The following NPAS3 variants were observed in gnomAD, a reference collection of about 807,000 sequenced individuals.
NPAS3 encodes the protein neuronal PAS domain-containing protein 3.
In NPAS3, 14 loss-of-function variants were observed where a neutral mutation model predicts 73.1. The observed-to-expected ratio is 0.19, with a 90% CI of 0.13 to 0.30. The LOEUF is 0.30. NPAS3 is among the 10% of genes least tolerant of loss of function. The pLI is 1.00. For missense variants in NPAS3, 1,096 were observed against 1,250.0 expected (o/e 0.88, Z 1.86); for synonymous variants, 620 against 541.5 (o/e 1.14, Z -2.01).
chr14:33,295,163 A>T (rs946295145), intron 3 of NPAS3, among the ~76,000 whole-genome samples: 1 of 152,220 alleles, frequency 6.6e-6, no homozygotes, highest in African/African-American at 2.4e-5. Flanking sequence ...AATTTAAAAC[A>T]CCAAGGGATT....
intron 2 of NPAS3, among the ~76,000 whole-genome samples, chr14:33,085,940 T>C (rs1227402083): frequency 2.6e-5 from 4 of 152,186 alleles, no homozygotes; most frequent in Admixed American, 2.0e-4. Flanking sequence ...ATTCACCTCA[T>C]AGTGCACTCA....
At chr14:33,752,776 T>G (rs1192036180) in intron 7 of NPAS3, among the ~76,000 whole-genome samples, 1 of 152,162 alleles carries the variant, frequency 6.6e-6, no homozygotes, top group Non-Finnish European at 1.5e-5. Context: ...AGCAATCACA[T>G]GCATAATATG....
intron 2 of NPAS3, among the ~76,000 whole-genome samples, chr14:33,137,018 G>A (rs971180399): frequency 1.3e-5 from 2 of 152,098 alleles, no homozygotes; most frequent in Admixed American, 6.5e-5. Context: ...GGCTTTTTCT[G>A]TTCTGTTGAA....
chr14:33,463,617 A>G (rs920240332), intron 4 of NPAS3, among the ~76,000 whole-genome samples: 18 of 152,274 alleles, frequency 1.2e-4, no homozygotes, highest in African/African-American at 3.9e-4. Flanking sequence ...TGAACCTAAC[A>G]TTTCTGAAAC....
chr14:33,110,055 C>G (rs1190707657), intron 2 of NPAS3, among the ~76,000 whole-genome samples: 2 of 151,876 alleles, frequency 1.3e-5, no homozygotes, highest in Non-Finnish European at 2.9e-5. Flanking sequence ...CGAGAGCTCT[C>G]TGTAATAGTA....
chr14:33,538,067 C>T (rs189873019), intron 4 of NPAS3, among the ~76,000 whole-genome samples: 90 of 152,272 alleles, frequency 5.9e-4, no homozygotes, highest in Non-Finnish European at 1.8e-4. Context: ...CATTGGAACA[C>T]GAATTAATGA....
intron 4 of NPAS3, among the ~76,000 whole-genome samples, chr14:33,461,704 T>C (rs2050273401): frequency 6.6e-6 from 1 of 152,228 alleles, no homozygotes; most frequent in Non-Finnish European, 1.5e-5. Flanking sequence ...GACCTTGCAC[T>C]TAGTATCCAA....
At chr14:33,608,477 A>T (rs1409038252) in intron 5 of NPAS3, 1 of 152,208 alleles carries the variant, frequency 6.6e-6, no homozygotes, top group Non-Finnish European at 1.5e-5. Context: ...AGTTCTTATT[A>T]TAAATAATAC....
In NPAS3 at chr14:33,517,226, C is replaced by T. The variant is rs77601834; in HGVS notation, c.469-42895C>T. Among the ~76,000 whole-genome samples, 467 of 152,106 alleles carry T rather than the reference C, an allele frequency of 3.1e-3. 3 individuals carry two copies. Among genetic ancestry groups the T allele is most frequent in the African/African-American group, 0.01 (427 of 41,516 alleles). On this transcript the variant is annotated intron_variant, in intron 4 of 11. Transcript: ENST00000356141. ...AGTTCGCTTATCTTAGTTGGATTTC[C>T]GGTGGGTTCTTCTCTGCTTGTCCTA... is the stretch of plus-strand genomic sequence containing the variant.
At chr14:33,147,056 T>A (rs1373952196) in intron 2 of NPAS3, among the ~76,000 whole-genome samples, 1 of 152,178 alleles carries the variant, frequency 6.6e-6, no homozygotes, top group Non-Finnish European at 1.5e-5. Context: ...TGTCAGGTTT[T>A]TTTTTTCTTT....
At chr14:33,186,574 T>A (rs1246835394) in intron 2 of NPAS3, among the ~76,000 whole-genome samples, 1 of 152,166 alleles carries the variant, frequency 6.6e-6, no homozygotes, top group African/African-American at 2.4e-5. Flanking sequence ...AGTTTCAATC[T>A]GAACGCATGA....
intron 2 of NPAS3, among the ~76,000 whole-genome samples, chr14:33,070,880 T>C (rs749379873): frequency 2.6e-5 from 4 of 152,230 alleles, no homozygotes; most frequent in Non-Finnish European, 4.4e-5. Flanking sequence ...AGCGTGTTTA[T>C]AATTGCTTTT....
chr14:33,352,298 G>A (rs545653567), intron 3 of NPAS3, among the ~76,000 whole-genome samples: 3 of 152,100 alleles, frequency 2.0e-5, no homozygotes, highest in Non-Finnish European at 2.9e-5. Flanking sequence ...AGAAAATGAC[G>A]GAAAAGTCAT....
At position 33,391,853 on chromosome 14, in the gene NPAS3, A is replaced by G. The variant is rs1321734593; in HGVS notation, c.468+24585A>G. Among the ~76,000 whole-genome samples the G allele has an allele frequency of 3.3e-5, 5 of 152,208 alleles. No homozygotes were observed. The East Asian group carries it at 7.7e-4, about 23-fold the overall frequency. ...GACAGACAGTAAAAGGTCTTAGATC[A>G]AACTCCCAGATATACTTAATTTCTA... On this transcript the variant is annotated intron_variant, in intron 4 of 11. Coordinates refer to ENST00000356141, the Ensembl canonical transcript of NPAS3.
Position 33,079,325 on chromosome 14 carries a change from C to CTTTTTTTTTTTTTTT in NPAS3, c.140+23342_140+23343insTTTTTTTTTTTTTTT, listed in dbSNP as rs772885846. ...ACTTGATTTGTACTTTTTCTTTTTC[C>CTTTTTTTTTTTTTTT]TTTTTTTTTTTGAGACAGAGTCTTG... On this transcript the variant is annotated intron_variant, in intron 2 of 11. Transcript: ENST00000356141. Among the ~76,000 whole-genome samples, 440 of 132,124 alleles carry CTTTTTTTTTTTTTTT rather than the reference C, an allele frequency of 3.3e-3. 10 individuals are homozygous for CTTTTTTTTTTTTTTT. Among genetic ancestry groups the CTTTTTTTTTTTTTTT allele is most frequent in the South Asian group, 0.012 (47 of 3,904 alleles). The allele number at this position is 132,124 out of a possible 152,430, so 86.7% of individuals were successfully genotyped here.
intron 5 of NPAS3, among the ~76,000 whole-genome samples, chr14:33,580,401 C>T (rs542344273): frequency 6.6e-6 from 1 of 152,292 alleles, no homozygotes; most frequent in East Asian, 1.9e-4. Flanking sequence ...TCTAAGATGA[C>T]TCCAGGCCAA....
At position 33,800,992 on chromosome 14, in the gene NPAS3, G is replaced by A. The variant is rs1261208719; in HGVS notation, c.2685G>A (p.Thr895=). The change falls in exon 12 of 12, where the codon ACG becomes ACA. Residue 895 remains threonine, a synonymous_variant. Transcript: ENST00000356141. The surrounding 1 kb of genome is among the most constrained non-coding windows in gnomAD (Gnocchi z 6.5). Reference sequence around the variant, plus strand: ...GCGCAGTGAGCGCAGCTAGCCTGACGCAGATGCCCGCCGGCAACGTGTTCA... The same window carrying A: ...GCGCAGTGAGCGCAGCTAGCCTGACACAGATGCCCGCCGGCAACGTGTTCA... The A allele has an allele frequency of 3.1e-6, 5 of 1,587,304 alleles. No individual in the cohort carries two copies. The highest frequency in any genetic ancestry group is 1.7e-6 in the Non-Finnish European group (2 of 1,167,566).
intron 1 of NPAS3, among the ~76,000 whole-genome samples, chr14:32,947,931 T>C (rs928576251): frequency 6.6e-6 from 1 of 152,156 alleles, no homozygotes; most frequent in Non-Finnish European, 1.5e-5. Flanking sequence ...TTATTCATAA[T>C]TTAACAGTCT....
intron 3 of NPAS3, among the ~76,000 whole-genome samples, chr14:33,343,367 CATTTCT>C (rs1404210818): frequency 2.6e-5 from 4 of 152,302 alleles, no homozygotes; most frequent in Admixed American, 2.6e-4. Flanking sequence ...TAGAGATTCT[CATTTCT>C]ATTTCCAGAA....
Sources: allele counts gnomAD v4.1 joint callset (sites outside exome capture counted in the v4.1 genomes callset), GRCh38; gene constraint gnomAD v4.1.1; non-coding constraint Gnocchi (gnomAD v3.1); transcripts MANE v1.5; gene names NCBI Gene and HGNC (gene_info 2026-07-23, HGNC 2026-07-21).